Variants in DNAH8 observed in about 807,000 individuals in gnomAD.
DNAH8 encodes the protein axonemal beta dynein heavy chain 8.
DNAH8 carries 382 observed loss-of-function variants against 562.1 expected under a neutral mutation model. That is an observed-to-expected ratio of 0.68 (90% confidence interval 0.63 to 0.74). The LOEUF (loss-of-function observed/expected upper bound fraction) is 0.74, where lower values mean the gene tolerates loss of function less well. Ranked by LOEUF, DNAH8 falls within the 30% of genes least tolerant of loss-of-function variation. DNAH8 has a pLI of 0.00. For missense variants in DNAH8, 5,203 were observed against 5,620.4 expected, an observed-to-expected ratio of 0.93 and a Z score of 2.37; for synonymous variants, 1,881 against 1,919.4, an observed-to-expected ratio of 0.98 and a Z score of 0.52.
chr6:38,840,145 C>G (rs1774657630), intron 33 of DNAH8, among the ~76,000 whole-genome samples: 1 of 152,152 alleles, frequency 6.6e-6, no homozygotes, highest in African/African-American at 2.4e-5. Context: ...ATATGGATTT[C>G]ATATTTTAAA....
intron 15 of DNAH8, 25 bp from the exon 16 acceptor site, chr6:38,781,229 A>T: frequency 6.2e-7 from 1 of 1,612,966 alleles, no homozygotes; most frequent in Non-Finnish European, 8.5e-7. Flanking sequence ...GAATTCAAAC[A>T]TTAACATCAG....
chr6:38,783,360 G>T (rs1768831378), intron 17 of DNAH8, among the ~76,000 whole-genome samples: 1 of 152,058 alleles, frequency 6.6e-6, no homozygotes, highest in Non-Finnish European at 1.5e-5. Flanking sequence ...ACTTAACTTA[G>T]GACTTTCTAC....
intron 49 of DNAH8, 68 bp from the exon 50 acceptor site, chr6:38,872,468 G>A: frequency 6.6e-7 from 1 of 1,515,992 alleles, no homozygotes; most frequent in Non-Finnish European, 9.0e-7. Flanking sequence ...TAATCTTCAA[G>A]TAGCTACTAT....
Position 38,938,861 on chromosome 6 carries a change from A to G in DNAH8, c.11880A>G (p.Glu3960=), listed in dbSNP as rs142643725. 236 of 1,613,260 alleles carry G rather than the reference A, an allele frequency of 1.5e-4. 1 individual carries two copies. In the East Asian group the frequency reaches 5.1e-3, roughly 35 times the overall value. ...ATATTATCGAGTACCTGACATATGA[A>G]GTTTTTACATACTCTGTCAGAGGCC... ...ITNIIEYLTY[E]VFTYSVRGLY... Residue 3960 remains glutamate (E), a synonymous_variant, in exon 79 of 93, where the codon GAA becomes GAG. Coordinates refer to ENST00000327475, the MANE Select transcript of DNAH8 (RefSeq NM_001206927.2).
intron 9 of DNAH8, among the ~76,000 whole-genome samples, chr6:38,751,754 T>A (rs940215694): frequency 1.0e-4 from 15 of 145,442 alleles, no homozygotes; most frequent in African/African-American, 4.3e-4. Flanking sequence ...ATTAAAAAAA[T>A]CTCTATCCTT....
Position 38,883,359 on chromosome 6 carries a change from CTG to C in DNAH8, c.8041_8042del (p.Val2681HisfsTer3), listed in dbSNP as rs1187215575. 3 of 1,612,642 alleles carry C rather than the reference CTG, an allele frequency of 1.9e-6. No homozygotes were observed. Among genetic ancestry groups the C allele is most frequent in the Admixed American group, 1.7e-5 (1 of 59,804 alleles). On this transcript the variant is annotated frameshift_variant, in exon 55 of 93. Coordinates refer to ENST00000327475, the MANE Select transcript of DNAH8 (RefSeq NM_001206927.2). LOFTEE classifies it high-confidence loss of function. ...ACAGGAGAGCAGGGAACTGCAAAAA[CTG>C]TCATGGTTAAGGCCTATTTGAAAAA...
Position 38,994,896 on chromosome 6 carries a change from G to T in DNAH8, c.13214+4724G>T, listed in dbSNP as rs989609215. ...TGACCACACGTGATCCGCCAGCCTT[G>T]GCCTCCTGCTTCCTTTAACATAGAA... On this transcript the variant is annotated intron_variant, in intron 88 of 92. Coordinates refer to ENST00000327475, the MANE Select transcript of DNAH8 (RefSeq NM_001206927.2). Among the ~76,000 whole-genome samples, 20 of 152,098 alleles carry T rather than the reference G, an allele frequency of 1.3e-4. No homozygotes were observed. The Middle Eastern group carries it at 0.01, about 78-fold the overall frequency.
rs58784448 is a variant in DNAH8 at position 38,772,971 on chromosome 6, C to CTTTTTTTTTTTTTTTTTTTTTTT, written c.1764+2417_1764+2439dup. Among the ~76,000 whole-genome samples, 23 of 88,086 alleles carry CTTTTTTTTTTTTTTTTTTTTTTT rather than the reference C, an allele frequency of 2.6e-4. 2 individuals carry two copies. Among genetic ancestry groups the CTTTTTTTTTTTTTTTTTTTTTTT allele is most frequent in the African/African-American group, 4.1e-4 (8 of 19,440 alleles). The allele number at this position is 88,086 out of a possible 152,430, so 57.8% of individuals were successfully genotyped here. A position where few individuals can be genotyped will look rare whatever the true frequency, so the allele number is the denominator to read the frequency against. On this transcript the variant is annotated intron_variant, in intron 12 of 92. Transcript: ENST00000327475. The stretch of plus-strand genomic sequence containing the variant: ...ATACCACCATGCCTAGCTAATTAAA[C>CTTTTTTTTTTTTTTTTTTTTTTT]TTTTTTTTTTTTTTTTTTTTTTTTT...
intron 87 of DNAH8, 50 bp from the exon 88 acceptor site, chr6:38,989,962 T>C (rs764427068): frequency 3.6e-6 from 4 of 1,110,632 alleles, no homozygotes; most frequent in South Asian, 3.1e-5. Context: ...GTAGCAGTTT[T>C]CATTTAGATG....
At chr6:38,733,819 G>A (rs1196596806) in intron 4 of DNAH8, among the ~76,000 whole-genome samples, 2 of 151,930 alleles carry the variant, frequency 1.3e-5, no homozygotes, top group Non-Finnish European at 2.9e-5. Flanking sequence ...GCTGAGGCAC[G>A]AGAATCGCTT....
intron 47 of DNAH8, among the ~76,000 whole-genome samples, chr6:38,867,231 A>ATG (rs70981595): frequency 0.2 from 29,084 of 148,246 alleles, 2,920 homozygotes; most frequent in African/African-American, 0.23. Context: ...GTGTGTGTAT[A>ATG]TGTGTGTGTG....
Position 39,007,947 on chromosome 6 carries a change from C to A in DNAH8, c.13215-867C>A, listed in dbSNP as rs58982444. On this transcript the variant is annotated intron_variant, in intron 88 of 92. Transcript: ENST00000327475. ...ATACAGCGCCCCACCCCCCACCCACCCACACACACACACACATTTCTACTC... is the reference window on the plus strand; with the variant it reads ...ATACAGCGCCCCACCCCCCACCCACACACACACACACACACATTTCTACTC... 2.2e-4 allele frequency among the ~76,000 whole-genome samples: 26 copies of A among 120,160 alleles called. No individual in the cohort carries two copies. The Middle Eastern group carries it at 0.012, about 57-fold the overall frequency. 78.8% of individuals were successfully genotyped at this position (120,160 alleles called of 152,430 possible).
At chr6:38,820,630 A>G (rs761728199) in intron 26 of DNAH8, among the ~76,000 whole-genome samples, 4 of 152,204 alleles carry the variant, frequency 2.6e-5, no homozygotes, top group Non-Finnish European at 5.9e-5. Context: ...CCATAATAAA[A>G]TGTTAGCAAA....
chr6:38,907,053 T>C (rs1187330790), intron 63 of DNAH8, among the ~76,000 whole-genome samples: 2 of 152,172 alleles, frequency 1.3e-5, no homozygotes, highest in African/African-American at 4.8e-5. Flanking sequence ...AACATTGTGG[T>C]CCCAAGCATT....
At chr6:38,813,405 C>A (rs117082705) in intron 24 of DNAH8, among the ~76,000 whole-genome samples, 1 of 151,982 alleles carries the variant, frequency 6.6e-6, no homozygotes, top group Admixed American at 6.6e-5. Flanking sequence ...TCCCCTCCCA[C>A]CCCCCATCTG....
intron 50 of DNAH8, 30 bp downstream of exon 50, chr6:38,872,812 T>A (rs771010873): frequency 6.2e-7 from 1 of 1,612,676 alleles, no homozygotes; most frequent in South Asian, 1.1e-5. Context: ...GTGATCATTT[T>A]TTCCCTGCTA....
At chr6:38,990,578 G>T (rs780759619) in intron 88 of DNAH8, among the ~76,000 whole-genome samples, 8 of 152,080 alleles carry the variant, frequency 5.3e-5, no homozygotes, top group Non-Finnish European at 1.0e-4. Flanking sequence ...CAGATGGGAG[G>T]GTGAAGAATC....
Position 38,790,577 on chromosome 6 carries a change from C to T in DNAH8, c.2781+172C>T, listed in dbSNP as rs13209011. Among the ~76,000 whole-genome samples, 50,415 of 151,728 alleles carry T rather than the reference C, an allele frequency of 0.33. 8,669 individuals carry two copies. Among genetic ancestry groups the T allele is most frequent in the South Asian group, 0.41 (1,953 of 4,808 alleles). ...CAGTGGCTCACACCTGTAATCCCAG[C>T]ACTTTGGGAGGCCAAGGCGGATGGA... On this transcript the variant is annotated intron_variant, in intron 20 of 92. Transcript: ENST00000327475.
Position 38,908,071 on chromosome 6 carries a change from T to A in DNAH8, c.9464T>A (p.Phe3155Tyr), listed in dbSNP as rs748826446. Residue 3155 changes from phenylalanine (F) to tyrosine (Y), a missense_variant, in exon 64 of 93, where the codon TTC becomes TAC. By Grantham distance (22) the Phe-to-Tyr change is conservative. Coordinates refer to ENST00000327475, the MANE Select transcript of DNAH8 (RefSeq NM_001206927.2). Reference protein sequence around the residue: ...PPTFDNLYEYFISRSRKNLHV... With the variant: ...PPTFDNLYEYYISRSRKNLHV... ...ACCTTTGATAATTTGTATGAATACTTCATTTCAAGATCAAGGAAGAACTTA... is the reference window on the plus strand; with the variant it reads ...ACCTTTGATAATTTGTATGAATACTACATTTCAAGATCAAGGAAGAACTTA... 8.7e-6 allele frequency: 14 copies of A among 1,606,966 alleles called. No homozygotes were observed. The highest frequency in any genetic ancestry group is 5.1e-6 in the Non-Finnish European group (6 of 1,177,148).
Sources: allele counts gnomAD v4.1 joint callset (sites outside exome capture counted in the v4.1 genomes callset), GRCh38; gene constraint gnomAD v4.1.1; transcripts MANE v1.5; gene names NCBI Gene and HGNC (gene_info 2026-07-23, HGNC 2026-07-21).